Variants in ZNF385D observed in about 807,000 individuals in gnomAD.
ZNF385D encodes the protein zinc finger protein 659.
In ZNF385D, 15 loss-of-function variants were observed where a neutral mutation model predicts 35.8. The ratio of observed to expected loss-of-function variants is 0.42; its 90% confidence interval spans 0.28 to 0.64. The LOEUF is 0.64. Ranked by LOEUF, ZNF385D falls within the 30% of genes least tolerant of loss-of-function variation. ZNF385D has a pLI of 0.23. For missense variants in ZNF385D, 474 were observed against 494.6 expected (o/e 0.96, Z 0.39); for synonymous variants, 212 against 186.8 (o/e 1.13, Z -1.10).
At position 21,646,149 on chromosome 3, in the gene ZNF385D, T is replaced by A. The variant is rs887906022; in HGVS notation, c.165+18737A>T. On this transcript the variant is annotated intron_variant, in intron 2 of 7. Coordinates refer to ENST00000281523, the MANE Select transcript of ZNF385D (RefSeq NM_024697.3). This position sits in a 1 kb window ranked among gnomAD's most constrained non-coding sequence, Gnocchi z 4.3. ...CTCAGGGAAATTTTTAAAAACTATT[T>A]TTCATTTTAAAAGTTAAGGAAGGGA... Among the ~76,000 whole-genome samples, 1 of 152,184 alleles carries A rather than the reference T, an allele frequency of 6.6e-6. No homozygotes were observed. The highest frequency in any genetic ancestry group is 1.5e-5 in the Non-Finnish European group (1 of 68,034).
At chr3:22,344,568 T>C (rs1019150232) in intron 2 of ZNF385D, among the ~76,000 whole-genome samples, 1 of 149,622 alleles carries the variant, frequency 6.7e-6, no homozygotes, top group Non-Finnish European at 1.5e-5. Context: ...TTTGGGGTTT[T>C]CTTTGTTTTT....
chr3:21,778,319 A>G (rs1232028133), intron 3 of ZNF385D, among the ~76,000 whole-genome samples: 2 of 151,964 alleles, frequency 1.3e-5, no homozygotes, highest in Middle Eastern at 6.8e-3. Flanking sequence ...TCTTTCCCCA[A>G]CACACCTAGC....
chr3:21,706,105 G>C (rs1410957357), intron 1 of ZNF385D, among the ~76,000 whole-genome samples: 1 of 152,156 alleles, frequency 6.6e-6, no homozygotes, highest in Non-Finnish European at 1.5e-5. Flanking sequence ...CCTTAGAATA[G>C]TTACTCATTG....
intron 3 of ZNF385D, among the ~76,000 whole-genome samples, chr3:21,975,699 CG>C (rs1559808523): frequency 9.2e-5 from 10 of 109,062 alleles, no homozygotes; most frequent in African/African-American, 2.4e-4. Context: ...TATGTACCCA[CG>C]AAATATATAT....
chr3:22,286,277 G>A (rs957392353), intron 2 of ZNF385D, among the ~76,000 whole-genome samples: 2 of 152,050 alleles, frequency 1.3e-5, no homozygotes, highest in African/African-American at 2.4e-5. Flanking sequence ...CTCATGCAAA[G>A]CGTAAGCTAA....
intron 3 of ZNF385D, among the ~76,000 whole-genome samples, chr3:22,075,816 G>T (rs5847160): frequency 0.013 from 2,043 of 151,940 alleles, 45 homozygotes; most frequent in African/African-American, 0.046. Flanking sequence ...CAAACCGCAG[G>T]AACATTTCTA....
intron 3 of ZNF385D, among the ~76,000 whole-genome samples, chr3:22,150,059 T>C (rs970976368): frequency 5.9e-5 from 9 of 152,226 alleles, no homozygotes; most frequent in Non-Finnish European, 1.0e-4. Context: ...GAAAAAGAGA[T>C]TGCTGAAGTA....
intron 3 of ZNF385D, among the ~76,000 whole-genome samples, chr3:22,084,985 T>C (rs1318792070): frequency 6.6e-6 from 1 of 152,116 alleles, no homozygotes; most frequent in Non-Finnish European, 1.5e-5. Context: ...ACCGGGTAAA[T>C]AATGAAATGA....
rs775354484 is a variant in ZNF385D at position 22,048,913 on chromosome 3, ATTTC to A, written c.325+119900_325+119903del. Reference sequence around the variant, plus strand: ...TTTTCATTTGTCTGTATCTTGTTGTATTTCTTTCATTCATGTTTTATAATTTTTA... The same window carrying A: ...TTTTCATTTGTCTGTATCTTGTTGTATTTCATTCATGTTTTATAATTTTTA... On this transcript the variant is annotated intron_variant, in intron 3 of 5. Coordinates refer to the ZNF385D transcript ENST00000494108. 2.0e-5 allele frequency among the ~76,000 whole-genome samples: 3 copies of A among 151,966 alleles called. No homozygotes were observed. In the South Asian group the frequency reaches 6.2e-4, roughly 31 times the overall value.
At chr3:21,745,917 CTTTAA>C in intron 1 of ZNF385D, among the ~76,000 whole-genome samples, 1 of 152,284 alleles carries the variant, frequency 6.6e-6, no homozygotes, top group African/African-American at 2.4e-5. Flanking sequence ...TTAAAAAGTA[CTTTAA>C]TGTCTATCTT....
intron 2 of ZNF385D, among the ~76,000 whole-genome samples, chr3:21,569,922 A>T (rs6771746): frequency 8.7e-6 from 1 of 115,342 alleles, no homozygotes; most frequent in Non-Finnish European, 1.7e-5. Context: ...GTGGGGGGGC[A>T]GGGAGGGATA....
intron 3 of ZNF385D, among the ~76,000 whole-genome samples, chr3:21,990,902 A>T (rs904234834): frequency 1.3e-5 from 2 of 152,206 alleles, no homozygotes; most frequent in Non-Finnish European, 2.9e-5. Context: ...ACTCACATTT[A>T]ACAGGTTGAT....
intron 3 of ZNF385D, among the ~76,000 whole-genome samples, chr3:21,889,060 A>G (rs1422457809): frequency 6.6e-6 from 1 of 152,244 alleles, no homozygotes; most frequent in East Asian, 1.9e-4. Flanking sequence ...TGAGATGTAC[A>G]GTAAGGACAT....
At chr3:21,927,633 G>T (rs886220315) in intron 3 of ZNF385D, among the ~76,000 whole-genome samples, 2 of 152,124 alleles carry the variant, frequency 1.3e-5, no homozygotes, top group African/African-American at 2.4e-5. Flanking sequence ...TTTAAAATAA[G>T]TTTAAGCAAA....
At chr3:21,477,195 G>C (rs1298299693) in intron 4 of ZNF385D, among the ~76,000 whole-genome samples, 2 of 152,072 alleles carry the variant, frequency 1.3e-5, no homozygotes, top group Non-Finnish European at 2.9e-5. Flanking sequence ...GCCTGGGTGA[G>C]AGCCTGGTTG....
At chr3:22,147,466 C>A in intron 3 of ZNF385D, among the ~76,000 whole-genome samples, 1 of 152,026 alleles carries the variant, frequency 6.6e-6, no homozygotes, top group African/African-American at 2.4e-5. Flanking sequence ...TTCTCTTTTG[C>A]TGATGGTGGT....
intron 3 of ZNF385D, among the ~76,000 whole-genome samples, chr3:21,534,268 C>T (rs1488172222): frequency 6.6e-6 from 1 of 152,020 alleles, no homozygotes; most frequent in African/African-American, 2.4e-5. Context: ...CTCATCTGAA[C>T]TTGCATTGTA....
chr3:21,883,472 G>T lies in ZNF385D; in HGVS notation c.326-218444C>A, dbSNP rs576510765. On this transcript the variant is annotated intron_variant, in intron 3 of 5. Coordinates refer to the ZNF385D transcript ENST00000494108. ...AAATAAGATTTTGCCTGATCATGAG[G>T]GTTTATGATATATATTCTGATATAA... is the stretch of plus-strand genomic sequence containing the variant. 3.8e-4 allele frequency among the ~76,000 whole-genome samples: 57 copies of T among 151,918 alleles called. No homozygotes were observed. In the South Asian group the frequency reaches 0.012, roughly 31 times the overall value.
intron 3 of ZNF385D, among the ~76,000 whole-genome samples, chr3:21,761,589 G>A (rs2070610900): frequency 1.3e-5 from 2 of 152,088 alleles, no homozygotes; most frequent in South Asian, 2.1e-4. Context: ...ATAGAGAGGT[G>A]AGAGAAGTAA....
Sources: allele counts gnomAD v4.1 joint callset (sites outside exome capture counted in the v4.1 genomes callset), GRCh38; gene constraint gnomAD v4.1.1; non-coding constraint Gnocchi (gnomAD v3.1); transcripts MANE v1.5; gene names NCBI Gene and HGNC (gene_info 2026-07-23, HGNC 2026-07-21).